The following GNG7 variants were observed in gnomAD, a reference collection of about 807,000 sequenced individuals.
GNG7 encodes the protein guanine nucleotide-binding protein G(I)/G(S)/G(O) subunit gamma-7.
A neutral mutation model predicts 4.0 loss-of-function variants in GNG7; 1 was observed. The observed-to-expected ratio is 0.25, with a 90% CI of 0.09 to 1.18. GNG7 has a LOEUF of 1.18. Among genes scored for constraint, GNG7 ranks in the 50% most tolerant of loss-of-function variants. The pLI, the probability that GNG7 is intolerant of heterozygous loss-of-function variation, is 0.50. For missense variants in GNG7, 86 were observed against 91.9 expected (o/e 0.94, Z 0.26); for synonymous variants, 34 against 36.9 (o/e 0.92, Z 0.29).
At chr19:2,516,611 G>C (rs1043064673) in intron 4 of GNG7, among the ~76,000 whole-genome samples, 13 of 152,212 alleles carry the variant, frequency 8.5e-5, no homozygotes, top group African/African-American at 3.1e-4. Context: ...GGGACAGATG[G>C]ACCCCGTTTT....
chr19:2,601,421 C>G (rs890839735), intron 2 of GNG7, among the ~76,000 whole-genome samples: 4 of 152,156 alleles, frequency 2.6e-5, no homozygotes, highest in Non-Finnish European at 5.9e-5. Context: ...CGGCTCGTGC[C>G]TATTGCAGAT....
intron 2 of GNG7, among the ~76,000 whole-genome samples, chr19:2,590,689 T>C (rs537760207): frequency 1.9e-3 from 169 of 89,460 alleles, no homozygotes; most frequent in South Asian, 3.7e-3. Flanking sequence ...ACCCATCCAT[T>C]CATCCATCCA....
At chr19:2,605,291 TG>T in intron 2 of GNG7, among the ~76,000 whole-genome samples, 1 of 152,122 alleles carries the variant, frequency 6.6e-6, no homozygotes. Flanking sequence ...CTCCGCCTCC[TG>T]GGTTCAAGTG....
intron 1 of GNG7, among the ~76,000 whole-genome samples, chr19:2,670,126 G>GTC (rs560098954): frequency 2.1e-4 from 32 of 150,428 alleles, no homozygotes; most frequent in Non-Finnish European, 4.3e-4. Flanking sequence ...GAAACTCTCT[G>GTC]TCTCTCTCTC....
intron 3 of GNG7, among the ~76,000 whole-genome samples, chr19:2,540,223 T>C (rs2144746676): frequency 6.6e-6 from 1 of 152,110 alleles, no homozygotes; most frequent in East Asian, 1.9e-4. Flanking sequence ...TGATCCCACC[T>C]CACTGAAAAC....
intron 2 of GNG7, among the ~76,000 whole-genome samples, chr19:2,637,596 C>T (rs529736599): frequency 6.6e-6 from 1 of 152,344 alleles, no homozygotes; most frequent in South Asian, 2.1e-4. Flanking sequence ...CCACGCCACC[C>T]TTTGTAACAG....
At chr19:2,695,811 G>A (rs113152125) in intron 1 of GNG7, among the ~76,000 whole-genome samples, 6 of 152,240 alleles carry the variant, frequency 3.9e-5, no homozygotes, top group South Asian at 4.1e-4. Context: ...GGAGTCTCCC[G>A]CCAGGGATGA....
intron 2 of GNG7, among the ~76,000 whole-genome samples, chr19:2,582,564 C>T (rs1355308165): frequency 1.3e-5 from 2 of 151,170 alleles, no homozygotes; most frequent in Non-Finnish European, 2.9e-5. Context: ...CTCACTGCAG[C>T]TTGGACTTCC....
intron 2 of GNG7, among the ~76,000 whole-genome samples, chr19:2,628,311 C>G (rs73528632): frequency 0.11 from 16,453 of 152,024 alleles, 1,476 homozygotes; most frequent in African/African-American, 0.25. Flanking sequence ...GTTTGGTTAT[C>G]GGCAGAATTC....
At chr19:2,515,503 C>T (rs560377690) in intron 4 of GNG7, among the ~76,000 whole-genome samples, 53 of 151,866 alleles carry the variant, frequency 3.5e-4, no homozygotes, top group Non-Finnish European at 6.6e-4. Flanking sequence ...TCTCGGCTCA[C>T]TGCAACCTCC....
At chr19:2,595,838 A>G in intron 2 of GNG7, among the ~76,000 whole-genome samples, 1 of 152,076 alleles carries the variant, frequency 6.6e-6, no homozygotes, top group Non-Finnish European at 1.5e-5. Flanking sequence ...GTGAGTGTGC[A>G]TGTGTAGGAA....
At chr19:2,522,011 G>A (rs998740850) in intron 3 of GNG7, among the ~76,000 whole-genome samples, 2 of 152,136 alleles carry the variant, frequency 1.3e-5, no homozygotes, top group African/African-American at 4.8e-5. Flanking sequence ...ATCACAGGAC[G>A]CAGAGTCTCT....
intron 1 of GNG7, among the ~76,000 whole-genome samples, chr19:2,657,526 G>A (rs1983029086): frequency 6.7e-6 from 1 of 150,292 alleles, no homozygotes; most frequent in Admixed American, 6.7e-5. Context: ...AGGACTTTTT[G>A]AATTCTGCCC....
chr19:2,591,172 G>A (rs926023642), intron 2 of GNG7, among the ~76,000 whole-genome samples: 30 of 152,256 alleles, frequency 2.0e-4, no homozygotes, highest in African/African-American at 4.8e-5. Flanking sequence ...CCTCTTGCGC[G>A]GTAGGTTTGG....
intron 3 of GNG7, among the ~76,000 whole-genome samples, chr19:2,553,622 T>C (rs74808627): frequency 3.2e-3 from 284 of 89,298 alleles, no homozygotes; most frequent in African/African-American, 8.1e-3. Context: ...ACTACATACA[T>C]GCACACGTTA....
chr19:2,656,052 G>A (rs76711007), intron 1 of GNG7, among the ~76,000 whole-genome samples: 3 of 137,278 alleles, frequency 2.2e-5, no homozygotes, highest in African/African-American at 5.6e-5. Flanking sequence ...AAGAAAGAAA[G>A]AAAAAAAAAA....
chr19:2,628,894 C>G (rs562735396), intron 2 of GNG7, among the ~76,000 whole-genome samples: 91 of 152,294 alleles, frequency 6.0e-4, no homozygotes, highest in African/African-American at 2.2e-3. Context: ...ACTGCATTAA[C>G]CTAACCACTG....
At chr19:2,568,268 GAC>G (rs1214765480) in intron 2 of GNG7, among the ~76,000 whole-genome samples, 12 of 138,982 alleles carry the variant, frequency 8.6e-5, no homozygotes, top group South Asian at 2.3e-4. Context: ...CACATATAGA[GAC>G]ACATATAGAC....
chr19:2,640,046 AAAGG>A (rs1406699404), intron 2 of GNG7, among the ~76,000 whole-genome samples: 5 of 77,140 alleles, frequency 6.5e-5, no homozygotes, highest in African/African-American at 1.6e-4. Flanking sequence ...GGGAAGGAAG[AAAGG>A]AAGGAAGGAG....
Sources: allele counts gnomAD v4.1 joint callset (sites outside exome capture counted in the v4.1 genomes callset), GRCh38; gene constraint gnomAD v4.1.1; transcripts MANE v1.5; gene names NCBI Gene and HGNC (gene_info 2026-07-23, HGNC 2026-07-21).